Variants in LDAF1 observed in about 807,000 individuals in gnomAD.
LDAF1 encodes PROMETHIN.
LDAF1 carries 7 observed loss-of-function variants against 13.5 expected under a neutral mutation model. That is an observed-to-expected ratio of 0.52 (90% CI 0.29 to 0.97). LDAF1 has a LOEUF of 0.97. Among genes scored for constraint, LDAF1 ranks in the 50% least tolerant of loss-of-function variants. LDAF1 has a pLI of 0.07. For synonymous variants in LDAF1, 69 were observed against 77.1 expected (o/e 0.89, Z 0.55); for missense variants, 148 against 193.2 (o/e 0.77, Z 1.39).
In LDAF1 at chr16:21,180,510, G is replaced by T. The variant is rs1050829271; in HGVS notation, c.*954G>T. 2 of 152,168 alleles carry T rather than the reference G, an allele frequency of 1.3e-5. No individual in the cohort carries two copies. Among genetic ancestry groups the T allele is most frequent in the Non-Finnish European group, 2.9e-5 (2 of 68,082 alleles). The allele number at this position is 152,168 out of a possible 1,614,324, so 9.4% of individuals were successfully genotyped here. A position where few individuals can be genotyped will look rare whatever the true frequency, so the allele number is the denominator to read the frequency against. ...CTGCCTTGGCCTCCCAAAGTGCTGG[G>T]ATTACAGGCGTGAGCCACTGTGCCC... On this transcript the variant is annotated 3_prime_UTR_variant, in exon 5 of 5. Coordinates refer to ENST00000233047, the MANE Select transcript of LDAF1 (RefSeq NM_001301771.2).
At chr16:21,159,210 T>C (rs2092932242) in intron 1 of LDAF1, 1 of 1,001,806 alleles carries the variant, frequency 1.0e-6, no homozygotes, top group Non-Finnish European at 1.6e-6. Flanking sequence ...CAGAGAGATC[T>C]GCAAGTATCA....
intron 4 of LDAF1, chr16:21,178,202 C>G: frequency 2.0e-6 from 2 of 985,328 alleles, no homozygotes; most frequent in Non-Finnish European, 1.2e-6. Flanking sequence ...GGCAAAACCA[C>G]ACTGCTTGGT....
intron 2 of LDAF1, among the ~76,000 whole-genome samples, chr16:21,164,040 C>T (rs1456171363): frequency 6.6e-6 from 1 of 152,102 alleles, no homozygotes; most frequent in Non-Finnish European, 1.5e-5. Context: ...TCGTCTTTCT[C>T]CTGTTAGGAA....
chr16:21,174,172 T>C, intron 4 of LDAF1, 24 bp downstream of exon 4: 1 of 1,586,860 alleles, frequency 6.3e-7, no homozygotes, highest in Non-Finnish European at 8.5e-7. Context: ...CATGAAATAA[T>C]TTATTTTTTT....
At chr16:21,159,671 G>T (rs1449390518) in intron 1 of LDAF1, among the ~76,000 whole-genome samples, 1 of 152,244 alleles carries the variant, frequency 6.6e-6, no homozygotes, top group African/African-American at 2.4e-5. Flanking sequence ...CGTGCCTGGG[G>T]AGGCCCCTCC....
At chr16:21,168,621 CTA>C (rs1389508198) in intron 2 of LDAF1, among the ~76,000 whole-genome samples, 1 of 137,044 alleles carries the variant, frequency 7.3e-6, no homozygotes, top group Non-Finnish European at 1.5e-5. Flanking sequence ...ATATTGATAA[CTA>C]ATATTAGTAT....
intron 3 of LDAF1, chr16:21,172,880 C>A: frequency 1.0e-6 from 1 of 980,920 alleles, no homozygotes; most frequent in Non-Finnish European, 1.2e-6. Context: ...CTCCCTGAAA[C>A]CATCACTGTG....
intron 1 of LDAF1, among the ~76,000 whole-genome samples, chr16:21,160,279 AAACTC>A (rs907204886): frequency 3.9e-5 from 6 of 152,178 alleles, no homozygotes; most frequent in African/African-American, 1.4e-4. Context: ...TTATATTTGA[AAACTC>A]AACAAGGGTT....
Position 21,170,615 on chromosome 16 carries a change from TC to T in LDAF1, c.265+12del. On this transcript the variant is annotated intron_variant, in intron 3 of 4. Transcript: ENST00000233047. Reference sequence around the variant, plus strand: ...GTCATAATATTGGAAGGTAGCCTGTTCCGTCATTCACCCCTTTAGAAAATAA... The same window carrying T: ...GTCATAATATTGGAAGGTAGCCTGTTCGTCATTCACCCCTTTAGAAAATAA... The T allele has an allele frequency of 1.2e-6, 2 of 1,614,136 alleles. No individual in the cohort carries two copies. Among genetic ancestry groups the T allele is most frequent in the Non-Finnish European group, 8.5e-7 (1 of 1,179,994 alleles).
chr16:21,178,984 T>C (rs2093161954), intron 4 of LDAF1: 1 of 156,336 alleles, frequency 6.4e-6, no homozygotes, highest in Non-Finnish European at 1.4e-5. Flanking sequence ...CTCAGGTCTT[T>C]ATTAGCAACA....
intron 2 of LDAF1, among the ~76,000 whole-genome samples, chr16:21,167,260 C>T (rs995023041): frequency 1.3e-5 from 2 of 152,202 alleles, no homozygotes; most frequent in African/African-American, 2.4e-5. Context: ...TCCTAGGAGG[C>T]ACATGTGTTT....
rs1325459443 is a variant in LDAF1, at chr16:21,179,690, G to A, written c.*134G>A. ...TGTCCTCTCGCTTTTTCACTTACTTGTAGGATCCCGCAGCAGCCAATTTAG... is the reference window on the plus strand; with the variant it reads ...TGTCCTCTCGCTTTTTCACTTACTTATAGGATCCCGCAGCAGCCAATTTAG... On this transcript the variant is annotated 3_prime_UTR_variant, in exon 5 of 5. Coordinates refer to ENST00000233047, the MANE Select transcript of LDAF1 (RefSeq NM_001301771.2). 1.4e-6 allele frequency: 1 copy of A among 708,070 alleles called. No individual in the cohort carries two copies. The highest frequency in any genetic ancestry group is 1.8e-5 in the African/African-American group (1 of 55,280). The allele number at this position is 708,070 out of a possible 1,614,324, so 43.9% of individuals were successfully genotyped here.
intron 4 of LDAF1, among the ~76,000 whole-genome samples, chr16:21,177,527 C>T (rs1195634161): frequency 6.6e-6 from 1 of 151,898 alleles, no homozygotes; most frequent in Non-Finnish European, 1.5e-5. Flanking sequence ...TTGCACTGTT[C>T]CCTTGTGAGA....
chr16:21,167,016 C>A, intron 2 of LDAF1: 2 of 1,063,748 alleles, frequency 1.9e-6, no homozygotes, highest in Non-Finnish European at 2.8e-6. Flanking sequence ...GGTCAGCGGG[C>A]ATTATGCCGT....
intron 3 of LDAF1, among the ~76,000 whole-genome samples, chr16:21,171,889 C>A (rs1215687654): frequency 1.3e-5 from 2 of 151,896 alleles, no homozygotes; most frequent in Non-Finnish European, 2.9e-5. Flanking sequence ...AGGCATGCCC[C>A]ACCATGCCCG....
intron 4 of LDAF1, among the ~76,000 whole-genome samples, chr16:21,176,011 CTGGAAT>C (rs768189200): frequency 1.7e-3 from 253 of 152,300 alleles, no homozygotes; most frequent in Non-Finnish European, 2.8e-3. Context: ...TCTCAATGAA[CTGGAAT>C]TATAGGCGTA....
chr16:21,167,003 T>C, intron 2 of LDAF1: 1 of 1,249,728 alleles, frequency 8.0e-7, no homozygotes, highest in African/African-American at 1.5e-5. Flanking sequence ...CAGGAGGCAG[T>C]GAGGTCAGCG....
chr16:21,159,374 C>A lies in LDAF1; in HGVS notation c.-99+628C>A. ...TCCTTGGGTCTCCCTGGCTTTTGAA[C>A]GCTGAAAGGCTGGGCCCGGATGGGG... On this transcript the variant is annotated intron_variant, in intron 1 of 4. Coordinates refer to ENST00000233047, the MANE Select transcript of LDAF1 (RefSeq NM_001301771.2). 6.2e-7 allele frequency: 1 copy of A among 1,614,144 alleles called. No homozygotes were observed. Among genetic ancestry groups the A allele is most frequent in the South Asian group, 1.1e-5 (1 of 91,076 alleles).
intron 2 of LDAF1, among the ~76,000 whole-genome samples, chr16:21,163,940 A>G (rs2093000596): frequency 6.6e-6 from 1 of 152,152 alleles, no homozygotes; most frequent in Non-Finnish European, 1.5e-5. Flanking sequence ...GACCTCAGGC[A>G]ATCCACCCAC....
Sources: gnomAD v4.1 joint callset for allele counts (sites outside exome capture counted in the v4.1 genomes callset) on GRCh38, gnomAD v4.1.1 for gene constraint, MANE v1.5 for transcripts, NCBI Gene and HGNC (gene_info 2026-07-23, HGNC 2026-07-21) for gene names.